Variants in CYB5B observed in about 807,000 individuals in gnomAD.
CYB5B encodes the protein cytochrome b5 type B (outer mitochondrial membrane).
In CYB5B, 14 loss-of-function variants were observed where a neutral mutation model predicts 21.3. That is an observed-to-expected ratio of 0.66 (90% CI 0.43 to 1.03). The LOEUF is 1.03. CYB5B is among the 50% of genes least tolerant of loss of function. The pLI is 0.00. For missense variants in CYB5B, 166 were observed against 185.1 expected, an observed-to-expected ratio of 0.90 and a Z score of 0.60; for synonymous variants, 69 against 68.4, an observed-to-expected ratio of 1.01 and a Z score of -0.04.
intron 4 of CYB5B, 155 bp downstream of exon 4, chr16:69,459,276 T>C (rs2015011064): frequency 3.1e-6 from 3 of 973,580 alleles, no homozygotes; most frequent in Non-Finnish European, 4.4e-6. Context: ...TTCCTTGACA[T>C]TAGAAAAATT....
At chr16:69,447,082 A>C in intron 1 of CYB5B, 68 bp from the exon 2 acceptor site, 1 of 1,557,568 alleles carries the variant, frequency 6.4e-7, no homozygotes, top group Non-Finnish European at 8.7e-7. Flanking sequence ...AGAAGGGGGT[A>C]TGGGAAAGTA....
At chr16:69,451,354 G>A (rs2014929328) in intron 3 of CYB5B, among the ~76,000 whole-genome samples, 1 of 152,014 alleles carries the variant, frequency 6.6e-6, no homozygotes. Flanking sequence ...ATAAATATTC[G>A]TGGTCTATGA....
At chr16:69,444,466 C>G (rs1165359261) in intron 1 of CYB5B, among the ~76,000 whole-genome samples, 2 of 152,148 alleles carry the variant, frequency 1.3e-5, no homozygotes, top group African/African-American at 4.8e-5. Flanking sequence ...AGCTGGGCTG[C>G]CAGTGGCCCA....
At chr16:69,451,677 G>T (rs192533358) in intron 3 of CYB5B, among the ~76,000 whole-genome samples, 160 of 151,956 alleles carry the variant, frequency 1.1e-3, no homozygotes, top group African/African-American at 3.6e-3. Context: ...GTTGGCCGGG[G>T]GCGGTGACTC....
intron 1 of CYB5B, among the ~76,000 whole-genome samples, chr16:69,439,446 T>G (rs1188507774): frequency 2.0e-5 from 3 of 152,152 alleles, no homozygotes. Context: ...CCTGACCTCA[T>G]GATCCGCCCA....
intron 1 of CYB5B, among the ~76,000 whole-genome samples, chr16:69,428,401 T>C (rs1391114890): frequency 6.6e-6 from 1 of 152,160 alleles, no homozygotes; most frequent in Non-Finnish European, 1.5e-5. Context: ...GGCTTAGGCC[T>C]GTAATCCCAG....
At chr16:69,447,785 A>G (rs762714597) in intron 2 of CYB5B, among the ~76,000 whole-genome samples, 9 of 152,196 alleles carry the variant, frequency 5.9e-5, no homozygotes, top group Non-Finnish European at 1.0e-4. Context: ...CTAAAAAGCT[A>G]AGGGAACTGA....
chr16:69,444,786 T>C (rs1380864847), intron 1 of CYB5B, among the ~76,000 whole-genome samples: 3 of 150,728 alleles, frequency 2.0e-5, no homozygotes, highest in Non-Finnish European at 1.5e-5. Flanking sequence ...CAATAAAAAA[T>C]TGTAGACTAA....
Position 69,447,216 on chromosome 16 carries a change from G to A in CYB5B, c.241G>A (p.Val81Ile), listed in dbSNP as rs1232930543. ...AGATGCAAGTGAAAGCTTTGAAGATGTAGGACACTCTTCTGATGCCAGAGA... is the reference window on the plus strand; with the variant it reads ...AGATGCAAGTGAAAGCTTTGAAGATATAGGACACTCTTCTGATGCCAGAGA... ...GVDASESFED[V>I]GHSSDAREML... Residue 81 changes from valine (V) to isoleucine (I), a missense_variant, in exon 2 of 5, where the codon GTA becomes ATA. By Grantham distance (29) the Val-to-Ile change is conservative. Coordinates refer to ENST00000307892, the MANE Select transcript of CYB5B (RefSeq NM_030579.3). 1.2e-6 allele frequency: 2 copies of A among 1,613,216 alleles called. No individual in the cohort carries two copies. Among genetic ancestry groups the A allele is most frequent in the East Asian group, 2.2e-5 (1 of 44,848 alleles).
chr16:69,464,349 T>C lies in CYB5B; in HGVS notation c.*1829T>C, dbSNP rs898236550. On this transcript the variant is annotated 3_prime_UTR_variant, in exon 5 of 5. Coordinates refer to ENST00000307892, the MANE Select transcript of CYB5B (RefSeq NM_030579.3). ...GCTTTTATCTTTAGAAAAATGTTTG[T>C]ATGCATTATAAGATGCTACTTTTAA... 1 of 152,228 alleles carries C rather than the reference T, an allele frequency of 6.6e-6. No individual in the cohort carries two copies. The highest frequency in any genetic ancestry group is 2.4e-5 in the African/African-American group (1 of 41,454). The allele number at this position is 152,228 out of a possible 1,614,324, so 9.4% of individuals were successfully genotyped here.
chr16:69,457,305 A>T (rs1458989165), intron 3 of CYB5B, among the ~76,000 whole-genome samples: 1 of 152,230 alleles, frequency 6.6e-6, no homozygotes, highest in East Asian at 1.9e-4. Flanking sequence ...GAATCCATTT[A>T]TATGAAGTAT....
At chr16:69,455,820 T>TA (rs1188670741) in intron 3 of CYB5B, among the ~76,000 whole-genome samples, 1 of 152,130 alleles carries the variant, frequency 6.6e-6, no homozygotes, top group Non-Finnish European at 1.5e-5. Context: ...AAAATCTACT[T>TA]ACGGTAGTGC....
intron 4 of CYB5B, among the ~76,000 whole-genome samples, 197 bp from the exon 5 acceptor site, chr16:69,462,233 A>C (rs2015041785): frequency 6.6e-6 from 1 of 152,152 alleles, no homozygotes. Flanking sequence ...GTTGTTTTTA[A>C]CCTTTTAAAA....
In CYB5B at chr16:69,462,787, A is replaced by G. The variant is rs1177314001; in HGVS notation, c.*267A>G. 1 of 379,844 alleles carries G rather than the reference A, an allele frequency of 2.6e-6. No homozygotes were observed. The highest frequency in any genetic ancestry group is 3.7e-5 in the Admixed American group (1 of 26,944). 23.5% of individuals were successfully genotyped at this position (379,844 alleles called of 1,614,324 possible). On this transcript the variant is annotated 3_prime_UTR_variant, in exon 5 of 5. Transcript: ENST00000307892. ...CACTGGTTTCCATGAGTACCCTTAT[A>G]TTTCACAACTTTCTGTTCATAAGTT...
chr16:69,455,680 T>A (rs2014977407), intron 3 of CYB5B, among the ~76,000 whole-genome samples: 2 of 152,142 alleles, frequency 1.3e-5, no homozygotes, highest in Admixed American at 1.3e-4. Flanking sequence ...AATTCATGCC[T>A]GGGATTACAG....
In CYB5B at chr16:69,427,396, C is replaced by CT. The variant is rs76402973; in HGVS notation, c.174+2550dup. Among the ~76,000 whole-genome samples, 1,065 of 146,910 alleles carry CT rather than the reference C, an allele frequency of 7.2e-3. 11 individuals carry two copies. Among genetic ancestry groups the CT allele is most frequent in the African/African-American group, 0.024 (985 of 40,424 alleles). On this transcript the variant is annotated intron_variant, in intron 1 of 4. Coordinates refer to ENST00000307892, the MANE Select transcript of CYB5B (RefSeq NM_030579.3). ...GTAATAGTTGCTAACCTGTTTCTTT[C>CT]TTTTTTTTTTTCCTCTGTGAAGATT...
At chr16:69,440,991 A>C (rs1597282152) in intron 1 of CYB5B, among the ~76,000 whole-genome samples, 1 of 151,854 alleles carries the variant, frequency 6.6e-6, no homozygotes, top group African/African-American at 2.4e-5. Context: ...ATTTTTATTG[A>C]GATAATTGTA....
intron 3 of CYB5B, among the ~76,000 whole-genome samples, chr16:69,458,315 C>T (rs1440155434): frequency 1.3e-5 from 2 of 152,168 alleles, no homozygotes; most frequent in Non-Finnish European, 2.9e-5. Context: ...GTCCTCCTCA[C>T]ACCAGCCCTA....
chr16:69,432,392 C>T (rs2014714909), intron 1 of CYB5B, among the ~76,000 whole-genome samples: 1 of 152,148 alleles, frequency 6.6e-6, no homozygotes, highest in African/African-American at 2.4e-5. Flanking sequence ...GTAAGATAGG[C>T]TTCATGTTAG....
Sources: allele counts gnomAD v4.1 joint callset (sites outside exome capture counted in the v4.1 genomes callset), GRCh38; gene constraint gnomAD v4.1.1; transcripts MANE v1.5; gene names NCBI Gene and HGNC (gene_info 2026-07-23, HGNC 2026-07-21).